FGFBP3: variants seen among roughly 807,000 people sequenced by gnomAD.
FGFBP3 encodes the protein fibroblast growth factor binding protein 3, also known as fibroblast growth factor-binding protein 3.
Under a neutral mutation model 4.8 loss-of-function variants are expected in FGFBP3, and 4 were observed. That is an observed-to-expected ratio of 0.83 (90% CI 0.41 to 1.90). FGFBP3 has a LOEUF of 1.90. FGFBP3 is among the 40% of genes most tolerant of loss of function. The pLI is 0.03. For synonymous variants in FGFBP3, 215 were observed against 190.0 expected (o/e 1.13, Z -1.08); for missense variants, 429 against 397.4 (o/e 1.08, Z -0.68).
chr10:91,908,213 CAAAG>C lies in FGFBP3; in HGVS notation c.753_756del (p.Phe251LeufsTer17), dbSNP rs909845477. ...CAGTCTCAGCCGTTCCAGAAATTGA[CAAAG>C]AAGTTGCAGAGGGAGTGCCACTTCT... On this transcript the variant is annotated frameshift_variant, in exon 2 of 2. Transcript: ENST00000311575. LOFTEE classifies it high-confidence loss of function. 8 of 1,600,126 alleles carry C rather than the reference CAAAG, an allele frequency of 5.0e-6. No individual in the cohort carries two copies. The highest frequency in any genetic ancestry group is 2.3e-5 in the East Asian group (1 of 43,222).
Position 91,908,845 on chromosome 10 carries a change from C to T in FGFBP3, c.125G>A (p.Gly42Glu). ...AASNVAEPVP[G>E]PTGGSSGRFL... is the part of the protein sequence containing the mutation. ...GCGACCCGAGGAGCCGCCAGTGGGC[C>T]CGGGGACCGGCTCCGCCACGTTGCT... The change falls in exon 2 of 2, where the codon GGG becomes GAG. Residue 42 changes from glycine to glutamate, a missense_variant. Transcript: ENST00000311575. 2.6e-6 allele frequency: 4 copies of T among 1,544,620 alleles called. No individual in the cohort carries two copies. Among genetic ancestry groups the T allele is most frequent in the Non-Finnish European group, 2.6e-6 (3 of 1,152,382 alleles).
Position 91,908,080 on chromosome 10 carries a change from G to A in FGFBP3, c.*113C>T, listed in dbSNP as rs11186739. ...CTTACCCTTGCCCCCACCCCCATTC[G>A]AGAACCTGGACTTCTCCCCAATCTC... On this transcript the variant is annotated 3_prime_UTR_variant, in exon 2 of 2. Coordinates refer to ENST00000311575, the MANE Select transcript of FGFBP3 (RefSeq NM_152429.5). 2 of 1,143,266 alleles carry A rather than the reference G, an allele frequency of 1.7e-6. No homozygotes were observed. The highest frequency in any genetic ancestry group is 4.0e-5 in the South Asian group (2 of 50,000). The allele number at this position is 1,143,266 out of a possible 1,614,324, so 70.8% of individuals were successfully genotyped here. A position where few individuals can be genotyped will look rare whatever the true frequency, so the allele number is the denominator to read the frequency against.
At position 91,906,751 on chromosome 10, in the gene FGFBP3, G is replaced by C. The variant is rs981845806; in HGVS notation, c.*1442C>G. On this transcript the variant is annotated 3_prime_UTR_variant, in exon 2 of 2. Transcript: ENST00000311575. ...TGCAAATCAAATAGAACAATGATAAGGCCAGGTGGCTGCCAGTTTGTGACT... is the reference window on the plus strand; with the variant it reads ...TGCAAATCAAATAGAACAATGATAACGCCAGGTGGCTGCCAGTTTGTGACT... The C allele has an allele frequency of 1.3e-5, 2 of 152,186 alleles. No homozygotes were observed. The highest frequency in any genetic ancestry group is 2.9e-5 in the Non-Finnish European group (2 of 68,040). 9.4% of individuals were successfully genotyped at this position (152,186 alleles called of 1,614,324 possible).
chr10:91,908,909 A>C lies in FGFBP3; in HGVS notation c.61T>G (p.Cys21Gly). The change falls in exon 2 of 2, where the codon TGC (cysteine) becomes GGC (glycine). Residue 21 changes from cysteine (C) to glycine (G), a missense_variant. Physicochemically the swap from Cys to Gly is radical, Grantham distance 159 (BLOSUM62 -3). Transcript: ENST00000311575. ...TCCCTCCGAGCAGCCGCGAGGAGGC[A>C]ACCACTCAGCAGCAGCAGCAGCGAC... The part of the protein sequence containing the change: ...SPSLLLLLSG[C>G]LLAAARREKG... The C allele has an allele frequency of 1.9e-6, 3 of 1,603,666 alleles. No individual in the cohort carries two copies. The highest frequency in any genetic ancestry group is 2.5e-6 in the Non-Finnish European group (3 of 1,177,206).
chr10:91,908,802 C>G lies in FGFBP3; in HGVS notation c.168G>C (p.Gln56His). ...GCAGGAGCTGCCAGCTGCACGCGTG[C>G]TGCTCGGGGCTGAGGAAGCGACCCG... ...GSSGRFLSPE[Q>H]HACSWQLLLP... The change falls in exon 2 of 2, where the codon CAG (glutamine) becomes CAC (histidine). Residue 56 changes from glutamine (Q) to histidine (H), a missense_variant. Physicochemically the swap from Gln to His is conservative, Grantham distance 24. Coordinates refer to ENST00000311575, the MANE Select transcript of FGFBP3 (RefSeq NM_152429.5). 1 of 1,453,998 alleles carries G rather than the reference C, an allele frequency of 6.9e-7. No individual in the cohort carries two copies. The highest frequency in any genetic ancestry group is 9.0e-7 in the Non-Finnish European group (1 of 1,112,650). 90.1% of individuals were successfully genotyped at this position (1,453,998 alleles called of 1,614,324 possible).
At position 91,908,565 on chromosome 10, in the gene FGFBP3, G is replaced by A. The variant is rs1324686664; in HGVS notation, c.405C>T (p.Cys135=). 2 of 1,394,660 alleles carry A rather than the reference G, an allele frequency of 1.4e-6. No homozygotes were observed. The highest frequency in any genetic ancestry group is 1.8e-6 in the Non-Finnish European group (2 of 1,081,770). The allele number at this position is 1,394,660 out of a possible 1,614,324, so 86.4% of individuals were successfully genotyped here. The change falls in exon 2 of 2, where the codon TGC becomes TGT. Residue 135 remains cysteine (C), a synonymous_variant. Coordinates refer to ENST00000311575, the MANE Select transcript of FGFBP3 (RefSeq NM_152429.5). ...CGGCGCCGTGGCCCTTCTTGCCCGC[G>A]CACAAGCGGGCCTGGAGCGGCGCGG... The part of the protein sequence containing the change: ...HDPAPLQARL[C]AGKKGHGAEL...
Position 91,908,495 on chromosome 10 carries a change from C to T in FGFBP3, c.475G>A (p.Val159Ile). ...TTGGACTCCCCCGCGAATCCCGCGA[C>T]GGTGGGGCGTGCGGGCGGGGACGCG... is the stretch of plus-strand genomic sequence containing the variant. ...PRASPPARPT[V>I]AGFAGESKPR... Residue 159 changes from valine (V) to isoleucine (I), a missense_variant, in exon 2 of 2, where the codon GTC becomes ATC. Physicochemically the swap from Val to Ile is conservative, Grantham distance 29. Transcript: ENST00000311575. 5 of 1,388,236 alleles carry T rather than the reference C, an allele frequency of 3.6e-6. No homozygotes were observed. Among genetic ancestry groups the T allele is most frequent in the Non-Finnish European group, 4.6e-6 (5 of 1,077,048 alleles). The allele number at this position is 1,388,236 out of a possible 1,614,324, so 86.0% of individuals were successfully genotyped here.
Position 91,908,104 on chromosome 10 carries a change from T to A in FGFBP3, c.*89A>T. The A allele has an allele frequency of 7.2e-6, 10 of 1,386,560 alleles. No individual in the cohort carries two copies. Among genetic ancestry groups the A allele is most frequent in the South Asian group, 1.4e-5 (1 of 72,638 alleles). 85.9% of individuals were successfully genotyped at this position (1,386,560 alleles called of 1,614,324 possible). A position where few individuals can be genotyped will look rare whatever the true frequency, so the allele number is the denominator to read the frequency against. On this transcript the variant is annotated 3_prime_UTR_variant, in exon 2 of 2. Coordinates refer to ENST00000311575, the MANE Select transcript of FGFBP3 (RefSeq NM_152429.5). ...CGAGAACCTGGACTTCTCCCCAATC[T>A]CTATCACAGTACCCCCCGGTCTAAG...
rs1403741332 is a variant in FGFBP3, at chr10:91,908,555, TCTTGCCCGCGCACAAGC to T, written c.398_414del (p.Arg133GlnfsTer105). The stretch of plus-strand genomic sequence containing the variant: ...AGCCGCAGCTCGGCGCCGTGGCCCT[TCTTGCCCGCGCACAAGC>T]GGGCCTGGAGCGGCGCGGGGTCGTG... On this transcript the variant is annotated frameshift_variant, in exon 2 of 2. Transcript: ENST00000311575. LOFTEE classifies it low-confidence loss of function (END_TRUNC). 4.3e-6 allele frequency: 6 copies of T among 1,391,568 alleles called. No individual in the cohort carries two copies. Among genetic ancestry groups the T allele is most frequent in the Non-Finnish European group, 5.6e-6 (6 of 1,080,542 alleles). 86.2% of individuals were successfully genotyped at this position (1,391,568 alleles called of 1,614,324 possible).
In FGFBP3 at chr10:91,908,947, G is replaced by A. The variant is rs773627903; in HGVS notation, c.23C>T (p.Ala8Val). The change falls in exon 2 of 2, where the codon GCG (alanine) becomes GTG (valine). Residue 8 changes from alanine (A) to valine (V), a missense_variant. Transcript: ENST00000311575. MTPPKLR[A>V]SLSPSLLLLL... ...CAGCAGCAGCGACGGCGACAGCGAC[G>A]CTCGCAGCTTCGGAGGAGTCATGCT... The A allele has an allele frequency of 3.1e-6, 5 of 1,601,240 alleles. No individual in the cohort carries two copies. The Admixed American group carries it at 6.8e-5, about 22-fold the overall frequency.
chr10:91,908,482 G>A lies in FGFBP3; in HGVS notation c.488C>T (p.Ala163Val). 1 of 1,398,354 alleles carries A rather than the reference G, an allele frequency of 7.2e-7. No individual in the cohort carries two copies. Among genetic ancestry groups the A allele is most frequent in the Non-Finnish European group, 9.2e-7 (1 of 1,081,814 alleles). 86.6% of individuals were successfully genotyped at this position (1,398,354 alleles called of 1,614,324 possible). Residue 163 changes from alanine (A) to valine (V), a missense_variant, in exon 2 of 2, where the codon GCG becomes GTG. By Grantham distance (64) the Ala-to-Val change is moderately conservative. Transcript: ENST00000311575. ...CCGGGCCCGGGGCTTGGACTCCCCC[G>A]CGAATCCCGCGACGGTGGGGCGTGC... ...PPARPTVAGF[A>V]GESKPRARNR... is the part of the protein sequence containing the mutation.
chr10:91,908,924 G>C lies in FGFBP3; in HGVS notation c.46C>G (p.Leu16Val). 6.2e-7 allele frequency: 1 copy of C among 1,605,542 alleles called. No homozygotes were observed. The highest frequency in any genetic ancestry group is 8.5e-7 in the Non-Finnish European group (1 of 1,177,468). Residue 16 changes from leucine to valine, a missense_variant, in exon 2 of 2, where the codon CTG becomes GTG. By Grantham distance (32) the Leu-to-Val change is conservative (BLOSUM62 1). Coordinates refer to ENST00000311575, the MANE Select transcript of FGFBP3 (RefSeq NM_152429.5). Reference protein sequence around the residue: ...LRASLSPSLLLLLSGCLLAAA... With the variant: ...LRASLSPSLLVLLSGCLLAAA... ...GCGAGGAGGCAACCACTCAGCAGCAGCAGCAGCGACGGCGACAGCGACGCT... is the reference window on the plus strand; with the variant it reads ...GCGAGGAGGCAACCACTCAGCAGCACCAGCAGCGACGGCGACAGCGACGCT...
In FGFBP3 at chr10:91,909,108, A is replaced by C. The variant is rs201708353; in HGVS notation, c.-78-61T>G. The C allele has an allele frequency of 1.0e-4, 95 of 924,118 alleles. No homozygotes were observed. The African/African-American group carries it at 1.5e-3, about 15-fold the overall frequency. 57.2% of individuals were successfully genotyped at this position (924,118 alleles called of 1,614,324 possible). ...CACACGCAGCGCTTCGCCCAGACAC[A>C]TGCACCTGCGAACTACTCTTCCGCA... On this transcript the variant is annotated intron_variant, in intron 1 of 1. Transcript: ENST00000311575.
chr10:91,908,411 T>G lies in FGFBP3; in HGVS notation c.559A>C (p.Thr187Pro). The change falls in exon 2 of 2, where the codon ACC (threonine) becomes CCC (proline). Residue 187 changes from threonine to proline, a missense_variant. By Grantham distance (38) the Thr-to-Pro change is conservative. Transcript: ENST00000311575. ...RERASGPAAG[T>P]PPPQSAPPKE... ...GGCGGTGCGCTTTGGGGAGGCGGGG[T>G]CCCAGCGGCTGGGCCGGACGCACGC... is the stretch of plus-strand genomic sequence containing the variant. 6.6e-7 allele frequency: 1 copy of G among 1,526,432 alleles called. No homozygotes were observed. The highest frequency in any genetic ancestry group is 1.3e-5 in the South Asian group (1 of 79,926). 94.6% of individuals were successfully genotyped at this position (1,526,432 alleles called of 1,614,324 possible). A position where few individuals can be genotyped will look rare whatever the true frequency, so the allele number is the denominator to read the frequency against.
In FGFBP3 at chr10:91,908,388, C is replaced by G. The variant is rs919575160; in HGVS notation, c.582G>C (p.Pro194=). The stretch of plus-strand genomic sequence containing the variant: ...TCCTCTCTGAGGGGTTTTCTTTGGG[C>G]GGTGCGCTTTGGGGAGGCGGGGTCC... ...AAGTPPPQSA[P]PKENPSERKT... Residue 194 remains proline, a synonymous_variant, in exon 2 of 2, where the codon CCG becomes CCC. Coordinates refer to ENST00000311575, the MANE Select transcript of FGFBP3 (RefSeq NM_152429.5). 6.4e-7 allele frequency: 1 copy of G among 1,558,486 alleles called. No homozygotes were observed. The highest frequency in any genetic ancestry group is 8.6e-7 in the Non-Finnish European group (1 of 1,157,622).
chr10:91,908,255 T>G lies in FGFBP3; in HGVS notation c.715A>C (p.Thr239Pro). ...GLDGNAELTE[T>P]YCAEKWHSLC... is the part of the protein sequence containing the mutation. ...GAGTGCCACTTCTCAGCGCAGTAGG[T>G]CTCCGTGAGCTCCGCGTTCCCGTCC... is the stretch of plus-strand genomic sequence containing the variant. Residue 239 changes from threonine to proline, a missense_variant, in exon 2 of 2, where the codon ACC (threonine) becomes CCC (proline). By Grantham distance (38) the Thr-to-Pro change is conservative. Coordinates refer to ENST00000311575, the MANE Select transcript of FGFBP3 (RefSeq NM_152429.5). 6.2e-7 allele frequency: 1 copy of G among 1,606,204 alleles called. No individual in the cohort carries two copies. The highest frequency in any genetic ancestry group is 8.5e-7 in the Non-Finnish European group (1 of 1,176,330).
In FGFBP3 at chr10:91,908,036, T is replaced by G; in HGVS notation, c.*157A>C. 1.2e-6 allele frequency: 1 copy of G among 800,564 alleles called. No individual in the cohort carries two copies. The highest frequency in any genetic ancestry group is 1.9e-6 in the Non-Finnish European group (1 of 540,526). The allele number at this position is 800,564 out of a possible 1,614,324, so 49.6% of individuals were successfully genotyped here. On this transcript the variant is annotated 3_prime_UTR_variant, in exon 2 of 2. Coordinates refer to ENST00000311575, the MANE Select transcript of FGFBP3 (RefSeq NM_152429.5). ...GAGATTCTCCATACCCCTTACACTC[T>G]CATCCCAAGCATCTCACCCTTACCC...
chr10:91,908,465 G>C lies in FGFBP3; in HGVS notation c.505C>G (p.Arg169Gly), dbSNP rs778883939. 1.3e-5 allele frequency: 19 copies of C among 1,441,060 alleles called. No individual in the cohort carries two copies. In the Middle Eastern group the frequency reaches 5.8e-4, roughly 44 times the overall value. 89.3% of individuals were successfully genotyped at this position (1,441,060 alleles called of 1,614,324 possible). ...VAGFAGESKP[R>G]ARNRGRTRER... ...CGGGTCCGCCCCCGGTTCCGGGCCC[G>C]GGGCTTGGACTCCCCCGCGAATCCC... The change falls in exon 2 of 2, where the codon CGG (arginine) becomes GGG (glycine). Residue 169 changes from arginine to glycine, a missense_variant. Physicochemically the swap from Arg to Gly is moderately radical, Grantham distance 125 (BLOSUM62 -2). Transcript: ENST00000311575.
In FGFBP3 at chr10:91,908,642, A is replaced by C. The variant is rs1215296524; in HGVS notation, c.328T>G (p.Trp110Gly). Residue 110 changes from tryptophan (W) to glycine (G), a missense_variant, in exon 2 of 2, where the codon TGG (tryptophan) becomes GGG (glycine). Coordinates refer to ENST00000311575, the MANE Select transcript of FGFBP3 (RefSeq NM_152429.5). ...CGCAGCCCTCCCAGCACCTGCTTCC[A>C]GAAGTGCGCGCGGCGAGCGGCGTAG... ...AAYAARRAHF[W>G]KQVLGGLRKK... 7.0e-6 allele frequency: 10 copies of C among 1,436,718 alleles called. No homozygotes were observed. The highest frequency in any genetic ancestry group is 1.5e-5 in the African/African-American group (1 of 67,476). 89.0% of individuals were successfully genotyped at this position (1,436,718 alleles called of 1,614,324 possible). A position where few individuals can be genotyped will look rare whatever the true frequency, so the allele number is the denominator to read the frequency against.
Sources: gnomAD v4.1 joint callset for allele counts on GRCh38, gnomAD v4.1.1 for gene constraint, MANE v1.5 for transcripts, NCBI Gene and HGNC (gene_info 2026-07-23, HGNC 2026-07-21) for gene names.